Variants in NLRP3 observed in about 807,000 individuals in gnomAD.
The protein encoded by NLRP3 is NACHT, LRR and PYD domains-containing protein 3.
A neutral mutation model predicts 91.3 loss-of-function variants in NLRP3; 48 were observed. The observed-to-expected ratio is 0.53, with a 90% CI of 0.42 to 0.67. The LOEUF is 0.67. Among genes scored for constraint, NLRP3 ranks in the 30% least tolerant of loss-of-function variants. The pLI, the probability that NLRP3 is intolerant of heterozygous loss-of-function variation, is 0.00. For synonymous variants in NLRP3, 561 were observed against 507.9 expected (o/e 1.10, Z -1.41); for missense variants, 982 against 1,276.9 (o/e 0.77, Z 3.52).
chr1:247,426,543 CA>C (rs1459205114), intron 4 of NLRP3, among the ~76,000 whole-genome samples: 2 of 152,210 alleles, frequency 1.3e-5, no homozygotes, highest in African/African-American at 4.8e-5. Context: ...CTTCCACAGG[CA>C]ACAATGAGTT....
intron 3 of NLRP3, 103 bp downstream of exon 3, chr1:247,423,452 C>A: frequency 7.3e-7 from 1 of 1,366,842 alleles, no homozygotes; most frequent in Non-Finnish European, 1.0e-6. Context: ...TAGGTTCCTG[C>A]TCTTTGGAAT....
At chr1:247,435,414 C>T (rs1391919927) in intron 6 of NLRP3, among the ~76,000 whole-genome samples, 1 of 152,194 alleles carries the variant, frequency 6.6e-6, no homozygotes, top group Non-Finnish European at 1.5e-5. Context: ...CTAGTACACA[C>T]TACAACATGG....
chr1:247,442,093 G>A (rs1664279596), intron 7 of NLRP3, among the ~76,000 whole-genome samples: 1 of 152,182 alleles, frequency 6.6e-6, no homozygotes, highest in African/African-American at 2.4e-5. Flanking sequence ...CTTAGTAGAA[G>A]CCACTCAAAA....
intron 4 of NLRP3, among the ~76,000 whole-genome samples, chr1:247,426,546 CAAT>C (rs1662903003): frequency 6.6e-6 from 1 of 152,214 alleles, no homozygotes; most frequent in African/African-American, 2.4e-5. Context: ...CCACAGGCAA[CAAT>C]GAGTTTCAGC....
Position 247,425,066 on chromosome 1 carries a change from A to G in NLRP3, c.1617A>G (p.Glu539=), listed in dbSNP as rs774490246. The change falls in exon 4 of 10, where the codon GAA becomes GAG. Residue 539 remains glutamate (E), a synonymous_variant. Transcript: ENST00000336119. The surrounding 1 kb of genome is among the most constrained non-coding windows in gnomAD (Gnocchi z 4.1). The part of the protein sequence containing the change: ...AMYYLLEEEK[E]GRTNVPGSRL... Reference sequence around the variant, plus strand: ...ACTACCTGCTGGAAGAGGAAAAGGAAGGAAGGACGAACGTTCCAGGGAGTC... The same window carrying G: ...ACTACCTGCTGGAAGAGGAAAAGGAGGGAAGGACGAACGTTCCAGGGAGTC... 45 of 1,614,078 alleles carry G rather than the reference A, an allele frequency of 2.8e-5. No individual in the cohort carries two copies. Among genetic ancestry groups the G allele is most frequent in the Non-Finnish European group, 3.4e-5 (40 of 1,180,040 alleles).
chr1:247,428,533 A>T (rs1418501187), intron 4 of NLRP3, among the ~76,000 whole-genome samples: 1 of 152,178 alleles, frequency 6.6e-6, no homozygotes, highest in African/African-American at 2.4e-5. Context: ...GGAGGCCAAG[A>T]TGGGGGGATT....
Position 247,434,087 on chromosome 1 carries a change from T to C in NLRP3, c.2322-16T>C, listed in dbSNP as rs748442045. 2 of 1,274,728 alleles carry C rather than the reference T, an allele frequency of 1.6e-6. No homozygotes were observed. Among genetic ancestry groups the C allele is most frequent in the East Asian group, 4.0e-5 (1 of 25,276 alleles). The allele number at this position is 1,274,728 out of a possible 1,614,324, so 79.0% of individuals were successfully genotyped here. A position where few individuals can be genotyped will look rare whatever the true frequency, so the allele number is the denominator to read the frequency against. ...GGTGTGTTCTGATGCTTTCTGCCTCTGTTCTTGGCATGAAGGTTGGGGCGC... is the reference window on the plus strand; with the variant it reads ...GGTGTGTTCTGATGCTTTCTGCCTCCGTTCTTGGCATGAAGGTTGGGGCGC... On this transcript the variant is annotated splice_polypyrimidine_tract_variant and intron_variant, in intron 5 of 9. Coordinates refer to ENST00000336119, the MANE Select transcript of NLRP3 (RefSeq NM_001243133.2).
In NLRP3 at chr1:247,424,059, G is replaced by A. The variant is rs1558189985; in HGVS notation, c.610G>A (p.Glu204Lys). 3.1e-6 allele frequency: 5 copies of A among 1,614,058 alleles called. No homozygotes were observed. In the South Asian group the frequency reaches 5.5e-5, roughly 18 times the overall value. Residue 204 changes from glutamate (E) to lysine (K), a missense_variant, in exon 4 of 10, where the codon GAG becomes AAG. Transcript: ENST00000336119. The surrounding 1 kb of genome is among the most constrained non-coding windows in gnomAD (Gnocchi z 8.1). ...GAGCCCCGTGAGTCCCATTAAGATG[G>A]AGTTGCTGTTTGACCCCGATGATGA... Reference protein sequence around the residue: ...CESPVSPIKMELLFDPDDEHS... With the variant: ...CESPVSPIKMKLLFDPDDEHS...
chr1:247,418,720 C>T lies in NLRP3; in HGVS notation c.-81C>T. 6.5e-7 allele frequency: 1 copy of T among 1,536,440 alleles called. No homozygotes were observed. The highest frequency in any genetic ancestry group is 9.0e-7 in the Non-Finnish European group (1 of 1,112,548). On this transcript the variant is annotated 5_prime_UTR_variant, in exon 2 of 10. Transcript: ENST00000336119. ...CTCAAAGTGGAGACTTTAAAAAAGACTCATCCGTGTGCCGTGTTCACTGCC... is the reference window on the plus strand; with the variant it reads ...CTCAAAGTGGAGACTTTAAAAAAGATTCATCCGTGTGCCGTGTTCACTGCC...
chr1:247,417,827 T>C (rs1662164501), intron 1 of NLRP3, among the ~76,000 whole-genome samples: 2 of 152,166 alleles, frequency 1.3e-5, no homozygotes, highest in South Asian at 2.1e-4. Flanking sequence ...AATCCACTGG[T>C]TGATAGAAGT....
In NLRP3 at chr1:247,448,472, G is replaced by A; in HGVS notation, c.3073G>A (p.Glu1025Lys). ...ALETLQEEKP[E>K]LTVVFEPSW ...AGAAACACTTCAAGAAGAAAAGCCT[G>A]AGCTGACCGTCGTCTTTGAGCCTTC... The change falls in exon 10 of 10, where the codon GAG (glutamate) becomes AAG (lysine). Residue 1025 changes from glutamate to lysine, a missense_variant. By Grantham distance (56) the Glu-to-Lys change is moderately conservative (BLOSUM62 1). Coordinates refer to ENST00000336119, the MANE Select transcript of NLRP3 (RefSeq NM_001243133.2). The A allele has an allele frequency of 6.2e-7, 1 of 1,613,622 alleles. No homozygotes were observed. The highest frequency in any genetic ancestry group is 8.5e-7 in the Non-Finnish European group (1 of 1,179,560).
intron 5 of NLRP3, 78 bp downstream of exon 5, chr1:247,429,833 C>A: frequency 1.9e-6 from 3 of 1,548,066 alleles, no homozygotes; most frequent in Middle Eastern, 4.6e-4. Context: ...GGAGAAAGAT[C>A]TTCAGGACCA....
chr1:247,419,993 C>A (rs1662339662), intron 2 of NLRP3, among the ~76,000 whole-genome samples: 1 of 152,236 alleles, frequency 6.6e-6, no homozygotes. Context: ...AACTGCTCTA[C>A]TGTTTTAGAT....
intron 2 of NLRP3, among the ~76,000 whole-genome samples, chr1:247,422,660 T>C (rs1485187488): frequency 6.6e-6 from 1 of 152,188 alleles, no homozygotes; most frequent in Non-Finnish European, 1.5e-5. Flanking sequence ...CTGAAGTCCA[T>C]ATTTTTAAAG....
intron 4 of NLRP3, among the ~76,000 whole-genome samples, chr1:247,429,074 G>A (rs1013276205): frequency 1.3e-5 from 2 of 151,958 alleles, no homozygotes; most frequent in Non-Finnish European, 2.9e-5. Flanking sequence ...TGTATTTTTA[G>A]TAGAGAGAGG....
intron 1 of NLRP3, 135 bp from the exon 2 acceptor site, chr1:247,417,918 A>G (rs1572149455): frequency 6.6e-6 from 1 of 152,348 alleles, no homozygotes; most frequent in African/African-American, 2.4e-5. Context: ...TCTGTTATCA[A>G]CACACTTACT....
At chr1:247,429,242 G>A (rs1663129888) in intron 4 of NLRP3, among the ~76,000 whole-genome samples, 1 of 152,114 alleles carries the variant, frequency 6.6e-6, no homozygotes, top group Admixed American at 6.5e-5. Flanking sequence ...GTAGCCAGGA[G>A]TGAGGACTGC....
rs1240535373 is a variant in NLRP3, at chr1:247,418,775, G to A, written c.-26G>A. The A allele has an allele frequency of 6.2e-7, 1 of 1,612,972 alleles. No homozygotes were observed. Among genetic ancestry groups the A allele is most frequent in the South Asian group, 1.1e-5 (1 of 91,006 alleles). ...ATCTTAGTGTGGACCGAAGCCTAAG[G>A]ACCCTGAAAACAGCTGCAGATGAAG... On this transcript the variant is annotated 5_prime_UTR_variant, in exon 2 of 10. Transcript: ENST00000336119.
Position 247,418,395 on chromosome 1 carries a change from G to A in NLRP3, c.-406G>A, listed in dbSNP as rs1004323385. ...TGGCTCACTGCAGCCTCCACTTCCC[G>A]GGTTCAATCAATTCTCCTACCTCAA... On this transcript the variant is annotated 5_prime_UTR_variant, in exon 2 of 10. Coordinates refer to ENST00000336119, the MANE Select transcript of NLRP3 (RefSeq NM_001243133.2). 2 of 302,724 alleles carry A rather than the reference G, an allele frequency of 6.6e-6. No homozygotes were observed. The highest frequency in any genetic ancestry group is 1.3e-5 in the Non-Finnish European group (2 of 155,380). 18.8% of individuals were successfully genotyped at this position (302,724 alleles called of 1,614,324 possible).
Sources: allele counts gnomAD v4.1 joint callset (sites outside exome capture counted in the v4.1 genomes callset), GRCh38; gene constraint gnomAD v4.1.1; non-coding constraint Gnocchi (gnomAD v3.1); transcripts MANE v1.5; gene names NCBI Gene and HGNC (gene_info 2026-07-23, HGNC 2026-07-21).